Variants in MALRD1 observed in about 807,000 individuals in gnomAD.
MALRD1 encodes the protein MAM and LDL receptor class A domain containing 1, also known as MAM and LDL-receptor class A domain-containing protein 1.
In MALRD1, 247 loss-of-function variants were observed where a neutral mutation model predicts 242.1. The ratio of observed to expected loss-of-function variants is 1.02; its 90% CI spans 0.92 to 1.13. MALRD1 has a LOEUF of 1.13. MALRD1 is among the 50% of genes most tolerant of loss of function. The pLI, the probability that MALRD1 is intolerant of heterozygous loss-of-function variation, is 0.00. For missense variants in MALRD1, 2,989 were observed against 2,533.1 expected (o/e 1.18, Z -3.86); for synonymous variants, 995 against 866.6 (o/e 1.15, Z -2.60).
intron 2 of MALRD1, among the ~76,000 whole-genome samples, chr10:19,073,923 G>C (rs1200820465): frequency 1.3e-5 from 2 of 152,126 alleles, no homozygotes; most frequent in African/African-American, 4.8e-5. Context: ...AAGAGCATTT[G>C]AGAAAATAGT....
At chr10:19,621,900 CAAAG>C (rs964190428) in intron 36 of MALRD1, among the ~76,000 whole-genome samples, 1 of 151,532 alleles carries the variant, frequency 6.6e-6, no homozygotes, top group African/African-American at 2.4e-5. Flanking sequence ...AACAAAGAAA[CAAAG>C]AAAACTCGTG....
chr10:19,261,486 A>AT lies in MALRD1; in HGVS notation c.3079+3725dup, dbSNP rs550822944. Reference sequence around the variant, plus strand: ...ATGTTACTCTTGATGCTTTCCAGTCATTTTTTTTTTCATAGCATCATGTTA... The same window carrying AT: ...ATGTTACTCTTGATGCTTTCCAGTCATTTTTTTTTTTCATAGCATCATGTTA... On this transcript the variant is annotated intron_variant, in intron 19 of 39. Transcript: ENST00000454679. 7.2e-4 allele frequency among the ~76,000 whole-genome samples: 107 copies of AT among 148,174 alleles called. 1 individual carries two copies. The highest frequency in any genetic ancestry group is 3.5e-3 in the Middle Eastern group (1 of 288).
chr10:19,607,471 T>C (rs568644971), intron 34 of MALRD1, among the ~76,000 whole-genome samples: 2 of 152,228 alleles, frequency 1.3e-5, no homozygotes, highest in East Asian at 3.9e-4. Flanking sequence ...AAAGCTCCTA[T>C]CTGTAAATAC....
chr10:19,687,224 C>A (rs1842616880), intron 36 of MALRD1, among the ~76,000 whole-genome samples: 2 of 152,044 alleles, frequency 1.3e-5, no homozygotes, highest in South Asian at 2.1e-4. Context: ...CTTTATGGAT[C>A]TTTTTGGATT....
chr10:19,613,972 A>C (rs1435826558), intron 35 of MALRD1, among the ~76,000 whole-genome samples: 6 of 152,008 alleles, frequency 3.9e-5, no homozygotes, highest in Non-Finnish European at 8.8e-5. Context: ...TGGTGTTCCC[A>C]TCACCCTTAG....
At chr10:19,298,044 T>C (rs960440301) in intron 21 of MALRD1, among the ~76,000 whole-genome samples, 3 of 152,032 alleles carry the variant, frequency 2.0e-5, no homozygotes, top group Non-Finnish European at 2.9e-5. Context: ...CTGAATAATA[T>C]ATAAATGAAA....
chr10:19,349,755 T>C (rs1249782553), intron 25 of MALRD1, among the ~76,000 whole-genome samples: 1 of 152,190 alleles, frequency 6.6e-6, no homozygotes, highest in East Asian at 1.9e-4. Flanking sequence ...TTTAGTCTTA[T>C]AAACCTAATT....
chr10:19,499,117 A>C (rs1422076433), intron 31 of MALRD1, among the ~76,000 whole-genome samples: 5 of 152,176 alleles, frequency 3.3e-5, no homozygotes, highest in African/African-American at 9.7e-5. Flanking sequence ...GGAATGAGTG[A>C]GTATCAGCAT....
Position 19,729,571 on chromosome 10 carries a change from CAT to C in MALRD1, c.6315-1134_6315-1133del, listed in dbSNP as rs764538480. On this transcript the variant is annotated intron_variant, in intron 38 of 39. Transcript: ENST00000454679. ...TTTCTTATGTGTGTGTGTGTGTACA[CAT>C]GTGTGTATAGGATCCTTTCGTGTGT... 4.7e-4 allele frequency among the ~76,000 whole-genome samples: 70 copies of C among 148,610 alleles called. No homozygotes were observed. In the East Asian group the frequency reaches 5.9e-3, roughly 13 times the overall value.
At chr10:19,711,930 A>G (rs922552272) in intron 38 of MALRD1, among the ~76,000 whole-genome samples, 14 of 152,160 alleles carry the variant, frequency 9.2e-5, no homozygotes, top group African/African-American at 3.4e-4. Flanking sequence ...AGAGAGGGGT[A>G]AGGAAGAGGA....
rs1196758277 is a variant in MALRD1 at position 19,453,079 on chromosome 10, A to G, written c.5029+2589A>G. 2.6e-5 allele frequency among the ~76,000 whole-genome samples: 4 copies of G among 152,244 alleles called. No homozygotes were observed. The East Asian group carries it at 7.7e-4, about 29-fold the overall frequency. On this transcript the variant is annotated intron_variant, in intron 29 of 39. Coordinates refer to ENST00000454679, the MANE Select transcript of MALRD1 (RefSeq NM_001142308.3). Reference sequence around the variant, plus strand: ...GTTACATTTTATTATTACAGTGGTCATCATTATTATTAACATGCCATATTC... The same window carrying G: ...GTTACATTTTATTATTACAGTGGTCGTCATTATTATTAACATGCCATATTC...
chr10:19,486,948 C>A (rs2131198962), intron 29 of MALRD1, among the ~76,000 whole-genome samples: 1 of 152,166 alleles, frequency 6.6e-6, no homozygotes, highest in Non-Finnish European at 1.5e-5. Context: ...TATGTTCTTA[C>A]TGGATTAAAT....
At chr10:19,427,233 A>C (rs1230491213) in intron 28 of MALRD1, among the ~76,000 whole-genome samples, 1 of 152,200 alleles carries the variant, frequency 6.6e-6, no homozygotes, top group Non-Finnish European at 1.5e-5. Context: ...TTAATCCACT[A>C]TTCATGGGCA....
intron 8 of MALRD1, among the ~76,000 whole-genome samples, chr10:19,128,716 G>T (rs10826974): frequency 0.22 from 33,200 of 151,930 alleles, 3,762 homozygotes; most frequent in East Asian, 0.39. Flanking sequence ...GATCTGTTTT[G>T]GACATTACAT....
intron 34 of MALRD1, among the ~76,000 whole-genome samples, chr10:19,601,769 T>C (rs181370073): frequency 3.3e-5 from 5 of 152,154 alleles, no homozygotes; most frequent in African/African-American, 9.6e-5. Context: ...TGAAGAAATA[T>C]GGATAAATTC....
rs1031467956 is a variant in MALRD1 at position 19,474,225 on chromosome 10, T to A, written c.5030-17292T>A. Among the ~76,000 whole-genome samples, 3 of 152,154 alleles carry A rather than the reference T, an allele frequency of 2.0e-5. No individual in the cohort carries two copies. The East Asian group carries it at 5.8e-4, about 29-fold the overall frequency. ...TCAAGTTTTAAGCAGTCATTTTTTT[T>A]AAATGAGTAAAGAGATGAATGTGAA... On this transcript the variant is annotated intron_variant, in intron 29 of 39. Coordinates refer to ENST00000454679, the MANE Select transcript of MALRD1 (RefSeq NM_001142308.3).
At chr10:19,589,221 G>A (rs575710289) in intron 33 of MALRD1, among the ~76,000 whole-genome samples, 2 of 152,072 alleles carry the variant, frequency 1.3e-5, no homozygotes, top group East Asian at 1.9e-4. Flanking sequence ...ATAGATAGAA[G>A]ATAGATAGCT....
At chr10:19,623,171 A>G (rs1839480757) in intron 36 of MALRD1, among the ~76,000 whole-genome samples, 1 of 152,068 alleles carries the variant, frequency 6.6e-6, no homozygotes, top group South Asian at 2.1e-4. Context: ...ATTTTTAACA[A>G]CGTTTTTTAA....
chr10:19,058,113 A>G (rs574290357), intron 1 of MALRD1, among the ~76,000 whole-genome samples: 1 of 152,312 alleles, frequency 6.6e-6, no homozygotes, highest in East Asian at 1.9e-4. Flanking sequence ...TTGTAGGAAT[A>G]GTAGTTTTAT....
Sources: gnomAD v4.1 joint callset for allele counts (sites outside exome capture counted in the v4.1 genomes callset) on GRCh38, gnomAD v4.1.1 for gene constraint, MANE v1.5 for transcripts, NCBI Gene and HGNC (gene_info 2026-07-23, HGNC 2026-07-21) for gene names.